The following TANC1 variants were observed in gnomAD, a reference collection of about 807,000 sequenced individuals.
TANC1 encodes tetratricopeptide repeat, ankyrin repeat and coiled-coil containing 1.
TANC1 carries 77 observed loss-of-function variants against 149.7 expected under a neutral mutation model. The observed-to-expected ratio is 0.51, with a 90% CI of 0.43 to 0.62. TANC1 has a LOEUF of 0.62. Among genes scored for constraint, TANC1 ranks in the 20% least tolerant of loss-of-function variants. The pLI, the probability that TANC1 is intolerant of heterozygous loss-of-function variation, is 0.00. For missense variants in TANC1, 1,985 were observed against 2,321.8 expected (o/e 0.85, Z 2.98); for synonymous variants, 854 against 925.0 (o/e 0.92, Z 1.39).
At chr2:159,093,662 A>G (rs2045779445) in intron 3 of TANC1, among the ~76,000 whole-genome samples, 1 of 151,468 alleles carries the variant, frequency 6.6e-6, no homozygotes, top group Non-Finnish European at 1.5e-5. Flanking sequence ...TGCCTCTGAA[A>G]AACAAACCAA....
chr2:159,200,059 A>G (rs2058135936), intron 19 of TANC1, among the ~76,000 whole-genome samples: 1 of 152,252 alleles, frequency 6.6e-6, no homozygotes, highest in South Asian at 2.1e-4. Flanking sequence ...GGGTAAAAGT[A>G]TGTGGATTGA....
intron 16 of TANC1, among the ~76,000 whole-genome samples, chr2:159,192,297 A>G (rs1020479784): frequency 1.3e-5 from 2 of 152,100 alleles, no homozygotes; most frequent in African/African-American, 2.4e-5. Context: ...TATTAACACC[A>G]TGACTATTTT....
chr2:159,226,591 C>T (rs1575377294), intron 24 of TANC1: 1 of 152,140 alleles, frequency 6.6e-6, no homozygotes, highest in Non-Finnish European at 1.5e-5. Flanking sequence ...TCAAGTAATA[C>T]CTCAGTTACT....
At chr2:159,106,711 G>T (rs1210270998) in intron 4 of TANC1, among the ~76,000 whole-genome samples, 3 of 152,254 alleles carry the variant, frequency 2.0e-5, no homozygotes, top group South Asian at 4.2e-4. Context: ...GAATCATATG[G>T]TAGTTCCGTA....
intron 2 of TANC1, among the ~76,000 whole-genome samples, chr2:159,045,096 G>T (rs2040937567): frequency 6.6e-6 from 1 of 152,218 alleles, no homozygotes; most frequent in Non-Finnish European, 1.5e-5. Flanking sequence ...GGGAGGAGGA[G>T]TCCCTGCTGT....
At position 159,232,281 on chromosome 2, in the gene TANC1, A is replaced by C. The variant is rs1328282273; in HGVS notation, c.*1269A>C. 3 of 152,646 alleles carry C rather than the reference A, an allele frequency of 2.0e-5. No homozygotes were observed. In the East Asian group the frequency reaches 5.8e-4, roughly 29 times the overall value. 9.5% of individuals were successfully genotyped at this position (152,646 alleles called of 1,614,324 possible). ...ATGGTGTGTTATTGGAAGATGTTAAAATGCTAATTTGAGAGAAGTAGGAGT... is the reference window on the plus strand; with the variant it reads ...ATGGTGTGTTATTGGAAGATGTTAACATGCTAATTTGAGAGAAGTAGGAGT... On this transcript the variant is annotated 3_prime_UTR_variant, in exon 27 of 27. Transcript: ENST00000263635.
In TANC1 at chr2:159,229,646, A is replaced by G. The variant is rs766849768; in HGVS notation, c.4220A>G (p.Lys1407Arg). 2.5e-6 allele frequency: 4 copies of G among 1,614,084 alleles called. No homozygotes were observed. The highest frequency in any genetic ancestry group is 1.7e-5 in the Admixed American group (1 of 60,018). Residue 1407 changes from lysine to arginine, a missense_variant, in exon 27 of 27, where the codon AAG (lysine) becomes AGG (arginine). Physicochemically the swap from Lys to Arg is conservative, Grantham distance 26. Coordinates refer to ENST00000263635, the MANE Select transcript of TANC1 (RefSeq NM_033394.3). Reference protein sequence around the residue: ...VKLCPTNQEVKRLLARVEEEC... With the variant: ...VKLCPTNQEVRRLLARVEEEC... Reference sequence around the variant, plus strand: ...CTCTGTCCCACCAATCAGGAAGTCAAGAGGCTTCTGGCCCGCGTAGAAGAG... The same window carrying G: ...CTCTGTCCCACCAATCAGGAAGTCAGGAGGCTTCTGGCCCGCGTAGAAGAG...
chr2:159,107,381 T>G (rs1293755787), intron 4 of TANC1, among the ~76,000 whole-genome samples: 1 of 152,222 alleles, frequency 6.6e-6, no homozygotes, highest in East Asian at 1.9e-4. Flanking sequence ...TTTAAATTTA[T>G]TATTAGTCTG....
At chr2:159,227,593 T>C (rs2060092191) in intron 24 of TANC1, 1 of 529,906 alleles carries the variant, frequency 1.9e-6, no homozygotes, top group Non-Finnish European at 3.3e-6. Context: ...CCAGCTTCTT[T>C]CTCACTGTGT....
intron 5 of TANC1, among the ~76,000 whole-genome samples, chr2:159,138,553 T>C (rs918229511): frequency 6.6e-6 from 1 of 152,194 alleles, no homozygotes; most frequent in Non-Finnish European, 1.5e-5. Flanking sequence ...CTAAAACTAA[T>C]TGAGTTTGAG....
intron 19 of TANC1, among the ~76,000 whole-genome samples, chr2:159,210,097 G>A (rs1575277155): frequency 6.6e-6 from 1 of 152,170 alleles, no homozygotes; most frequent in Non-Finnish European, 1.5e-5. Context: ...CAGGAAGTGG[G>A]TTCTGCAGGT....
chr2:159,197,135 G>T lies in TANC1; in HGVS notation c.3165+342G>T, dbSNP rs1420506479. Among the ~76,000 whole-genome samples, 10 of 152,172 alleles carry T rather than the reference G, an allele frequency of 6.6e-5. 1 individual carries two copies. The Middle Eastern group carries it at 0.01, about 155-fold the overall frequency. On this transcript the variant is annotated intron_variant, in intron 18 of 26. Coordinates refer to ENST00000263635, the MANE Select transcript of TANC1 (RefSeq NM_033394.3). ...TTTGATTCGTTTCTTCTGTCCTTGT[G>T]TTCATTTAAAAATAATCACATAGAA...
chr2:159,097,733 G>A lies in TANC1; in HGVS notation c.158G>A (p.Arg53Lys). The A allele has an allele frequency of 6.2e-7, 1 of 1,614,086 alleles. No homozygotes were observed. Among genetic ancestry groups the A allele is most frequent in the East Asian group, 2.2e-5 (1 of 44,880 alleles). Reference protein sequence around the residue: ...SSLPTAEDTYRVSLAKGVSMS... With the variant: ...SSLPTAEDTYKVSLAKGVSMS... ...CTTCCCACAGCAGAGGACACCTATA[G>A]GGTGAGCTTGGCCAAAGGTGTCTCG... is the stretch of plus-strand genomic sequence containing the variant. Residue 53 changes from arginine (R) to lysine (K), a missense_variant, in exon 4 of 27, where the codon AGG becomes AAG. Coordinates refer to ENST00000263635, the MANE Select transcript of TANC1 (RefSeq NM_033394.3).
At chr2:159,084,763 G>T (rs140471875) in intron 3 of TANC1, among the ~76,000 whole-genome samples, 93 of 152,204 alleles carry the variant, frequency 6.1e-4, no homozygotes, top group African/African-American at 2.1e-3. Context: ...AATTATCTGG[G>T]GCTAAGTCAG....
intron 22 of TANC1, among the ~76,000 whole-genome samples, chr2:159,223,185 G>A (rs1275535932): frequency 1.3e-5 from 2 of 152,204 alleles, no homozygotes; most frequent in African/African-American, 2.4e-5. Context: ...GATTACAGGC[G>A]TGAGCCATCA....
At chr2:159,097,404 G>A (rs2046251081) in intron 3 of TANC1, among the ~76,000 whole-genome samples, 1 of 152,146 alleles carries the variant, frequency 6.6e-6, no homozygotes, top group Non-Finnish European at 1.5e-5. Flanking sequence ...ATTGAAACCA[G>A]ATCAGTTAGG....
chr2:159,011,074 A>G (rs183299581), intron 2 of TANC1, among the ~76,000 whole-genome samples: 28 of 152,260 alleles, frequency 1.8e-4, no homozygotes, highest in African/African-American at 6.7e-4. Context: ...TCACTCTATA[A>G]ATCACACCTA....
At chr2:159,088,597 C>T (rs746499351) in intron 3 of TANC1, among the ~76,000 whole-genome samples, 2 of 152,234 alleles carry the variant, frequency 1.3e-5, no homozygotes, top group Non-Finnish European at 2.9e-5. Context: ...GTCCAACCCA[C>T]GGCCTGTGGG....
intron 14 of TANC1, among the ~76,000 whole-genome samples, chr2:159,185,308 G>C (rs2056872447): frequency 1.3e-5 from 2 of 152,238 alleles, no homozygotes; most frequent in Non-Finnish European, 2.9e-5. Context: ...CTTCACAAAA[G>C]GGAAATGGGT....
Sources: gnomAD v4.1 joint callset for allele counts (sites outside exome capture counted in the v4.1 genomes callset) on GRCh38, gnomAD v4.1.1 for gene constraint, MANE v1.5 for transcripts, NCBI Gene and HGNC (gene_info 2026-07-23, HGNC 2026-07-21) for gene names.